Variants in DMD observed in about 807,000 individuals in gnomAD.
DMD encodes the protein dystrophin.
A neutral mutation model predicts 330.1 loss-of-function variants in DMD; 63 were observed. The observed-to-expected ratio is 0.19, with a 90% CI of 0.16 to 0.24. The LOEUF (loss-of-function observed/expected upper bound fraction) is 0.24, where lower values mean the gene tolerates loss of function less well. Ranked by LOEUF, DMD falls within the 10% of genes least tolerant of loss-of-function variation. The pLI, the probability that DMD is intolerant of heterozygous loss-of-function variation, is 1.00. For missense variants in DMD, 3,344 were observed against 2,684.1 expected (o/e 1.25, Z -5.43); for synonymous variants, 1,223 against 959.8 (o/e 1.27, Z -5.07).
intron 9 of DMD, among the ~76,000 whole-genome samples, chrX:32,653,226 C>A (rs1424642903): frequency 8.9e-6 from 1 of 111,901 alleles, no homozygotes; most frequent in Non-Finnish European, 1.9e-5. Flanking sequence ...GACATGAAGT[C>A]CTTACCCATG....
chrX:31,156,198 C>T (rs1217768805), intron 74 of DMD, among the ~76,000 whole-genome samples: 1 of 111,478 alleles, frequency 9.0e-6, no homozygotes, highest in Non-Finnish European at 1.9e-5. Flanking sequence ...TGTTTCTAAT[C>T]ATTTCTTAGC....
intron 1 of DMD, among the ~76,000 whole-genome samples, chrX:33,190,910 AATATTATATATATAATAT>A (rs2050541198): frequency 7.3e-5 from 1 of 13,664 alleles, no homozygotes; most frequent in East Asian, 3.9e-3. Flanking sequence ...TATAATATAT[AATATTATATATATAATAT>A]TATATATATA....
chrX:31,752,267 C>T (rs1283321998), intron 51 of DMD, among the ~76,000 whole-genome samples: 2 of 111,653 alleles, frequency 1.8e-5, no homozygotes, highest in African/African-American at 6.5e-5. Flanking sequence ...ATTATTAAAC[C>T]TTTCACAATG....
intron 44 of DMD, among the ~76,000 whole-genome samples, chrX:32,133,840 C>T (rs999041000): frequency 3.6e-5 from 4 of 111,414 alleles, no homozygotes; most frequent in African/African-American, 1.3e-4. Flanking sequence ...TTCAAAGGTC[C>T]ACCCTCACCT....
chrX:32,736,863 G>C (rs183827847), intron 7 of DMD, among the ~76,000 whole-genome samples: 3,014 of 107,513 alleles, frequency 0.028, 123 homozygotes, highest in African/African-American at 0.099. Context: ...ACATGTATAC[G>C]TATGTAACTA....
rs750088682 is a variant in DMD at position 31,875,417 on chromosome X, C to T, written c.6913-44G>A. ...TTAAAAAGGTAAATAATTCTCAAGG[C>T]ATAAGCCAAAATGTTTAAAAATATA... On this transcript the variant is annotated intron_variant, in intron 47 of 78. Transcript: ENST00000357033. 3.1e-6 allele frequency: 3 copies of T among 978,067 alleles called. No individual in the cohort carries two copies. In the South Asian group the frequency reaches 6.3e-5, roughly 21 times the overall value. 80.6% of individuals were successfully genotyped at this position (978,067 alleles called of 1,213,427 possible). A position where few individuals can be genotyped will look rare whatever the true frequency, so the allele number is the denominator to read the frequency against.
At chrX:32,800,815 C>T (rs1465243647) in intron 7 of DMD, among the ~76,000 whole-genome samples, 1 of 110,824 alleles carries the variant, frequency 9.0e-6, no homozygotes, top group African/African-American at 3.3e-5. Context: ...TTTTCTGTTC[C>T]TATGTTAGTT....
At chrX:32,211,368 C>T in intron 44 of DMD, among the ~76,000 whole-genome samples, 1 of 111,885 alleles carries the variant, frequency 8.9e-6, no homozygotes, top group Non-Finnish European at 1.9e-5. Flanking sequence ...TCTGTATGCT[C>T]AATGACAATG....
At chrX:32,868,293 G>A (rs140169802) in intron 2 of DMD, among the ~76,000 whole-genome samples, 83 of 111,555 alleles carry the variant, frequency 7.4e-4, no homozygotes, top group African/African-American at 2.3e-3. Flanking sequence ...GCAGATTCTC[G>A]CAGGCCACTC....
intron 13 of DMD, among the ~76,000 whole-genome samples, chrX:32,577,477 A>C (rs1452233525): frequency 1.8e-5 from 2 of 112,602 alleles, no homozygotes; most frequent in African/African-American, 6.5e-5. Flanking sequence ...CCGTTAAAGA[A>C]TTGCAAATGT....
chrX:31,316,285 G>A (rs1405227236), intron 62 of DMD, among the ~76,000 whole-genome samples: 2 of 112,353 alleles, frequency 1.8e-5, no homozygotes, highest in Non-Finnish European at 3.8e-5. Context: ...AATACTACAA[G>A]ATTGTTTTGA....
intron 48 of DMD, among the ~76,000 whole-genome samples, chrX:31,851,056 C>G (rs764446368): frequency 1.7e-3 from 195 of 112,196 alleles, no homozygotes; most frequent in African/African-American, 6.1e-3. Context: ...CAAATGAAGG[C>G]TGATGGATGG....
intron 67 of DMD, among the ~76,000 whole-genome samples, chrX:31,188,749 T>C (rs1372988581): frequency 2.7e-5 from 3 of 111,925 alleles, no homozygotes; most frequent in Non-Finnish European, 5.6e-5. Flanking sequence ...TCTTTTTCTG[T>C]TGGTCCTCAC....
intron 21 of DMD, among the ~76,000 whole-genome samples, chrX:32,478,269 C>T (rs1165290517): frequency 9.0e-6 from 1 of 111,452 alleles, no homozygotes; most frequent in Non-Finnish European, 1.9e-5. Context: ...AAATGCACTG[C>T]ACATGTGTGA....
intron 2 of DMD, among the ~76,000 whole-genome samples, chrX:32,873,263 TTGGCTACCAACATC>T (rs1294788126): frequency 9.1e-6 from 1 of 110,267 alleles, no homozygotes; most frequent in East Asian, 2.9e-4. Context: ...TTTGAGATAA[TTGGCTACCAACATC>T]TCTAGGATTT....
chrX:31,422,024 C>T, intron 60 of DMD, among the ~76,000 whole-genome samples: 1 of 7,048 alleles, frequency 1.4e-4, no homozygotes, highest in East Asian at 0.014. Flanking sequence ...TATAAACACA[C>T]ACACATATAT....
intron 1 of DMD, among the ~76,000 whole-genome samples, chrX:33,111,801 G>A (rs1406109816): frequency 4.5e-5 from 5 of 110,270 alleles, no homozygotes; most frequent in Admixed American, 1.9e-4. Context: ...GTAGAGACCG[G>A]GGTTTCACCA....
At chrX:33,067,670 A>G (rs1603211720) in intron 1 of DMD, among the ~76,000 whole-genome samples, 1 of 110,576 alleles carries the variant, frequency 9.0e-6, no homozygotes, top group African/African-American at 3.3e-5. Flanking sequence ...GTGAAATCCC[A>G]TCTCTACTAA....
At chrX:31,972,872 A>G (rs2095409832) in intron 44 of DMD, among the ~76,000 whole-genome samples, 1 of 111,530 alleles carries the variant, frequency 9.0e-6, no homozygotes, top group Non-Finnish European at 1.9e-5. Flanking sequence ...TTGTTTTTTT[A>G]TCCTAAGGTC....
Sources: allele counts gnomAD v4.1 joint callset (sites outside exome capture counted in the v4.1 genomes callset), GRCh38; gene constraint gnomAD v4.1.1; transcripts MANE v1.5; gene names NCBI Gene and HGNC (gene_info 2026-07-23, HGNC 2026-07-21).